Variants in MITF observed in about 807,000 individuals in gnomAD.
The protein encoded by MITF is melanocyte inducing transcription factor, also known as microphthalmia-associated transcription factor.
A neutral mutation model predicts 60.5 loss-of-function variants in MITF; 17 were observed. The observed-to-expected ratio is 0.28, with a 90% CI of 0.19 to 0.42. MITF has a LOEUF of 0.42. Ranked by LOEUF, MITF falls within the 10% of genes least tolerant of loss-of-function variation. The pLI is 1.00. For missense variants in MITF, 622 were observed against 683.5 expected (o/e 0.91, Z 1.00); for synonymous variants, 260 against 248.5 (o/e 1.05, Z -0.43).
intron 1 of MITF, among the ~76,000 whole-genome samples, chr3:69,830,815 G>C (rs1215923896): frequency 2.0e-5 from 3 of 152,132 alleles, no homozygotes; most frequent in African/African-American, 7.2e-5. Flanking sequence ...CATCCCATCG[G>C]TTATGGTTTC....
intron 1 of MITF, among the ~76,000 whole-genome samples, chr3:69,754,208 G>GTC (rs999834124): frequency 2.0e-5 from 3 of 151,314 alleles, no homozygotes; most frequent in Non-Finnish European, 4.4e-5. Context: ...ACCCCTGTTA[G>GTC]TCTCTCTCTC....
At chr3:69,821,400 C>T (rs776636085) in intron 1 of MITF, among the ~76,000 whole-genome samples, 28 of 152,192 alleles carry the variant, frequency 1.8e-4, no homozygotes, top group Admixed American at 5.2e-4. Context: ...AAGCTTGAGT[C>T]ATAAAGCCTG....
In MITF at chr3:69,965,042, A is replaced by G. The variant is rs1196796728; in HGVS notation, c.1375A>G (p.Asn459Asp). The change falls in exon 10 of 10, where the codon AAC becomes GAC. Residue 459 changes from asparagine to aspartate, a missense_variant. Transcript: ENST00000352241. ...DLTDGTITFN[N>D]NLGTGTEANQ... ...CACGGATGGCACCATCACCTTCAAC[A>G]ACAACCTCGGAACTGGGACTGAGGC... 13 of 1,614,088 alleles carry G rather than the reference A, an allele frequency of 8.1e-6. No individual in the cohort carries two copies. The highest frequency in any genetic ancestry group is 1.1e-5 in the Non-Finnish European group (13 of 1,180,018).
At chr3:69,864,743 G>A (rs902667174) in intron 1 of MITF, among the ~76,000 whole-genome samples, 5 of 139,056 alleles carry the variant, frequency 3.6e-5, no homozygotes, top group Admixed American at 1.4e-4. Context: ...TAGGTCTCAC[G>A]GGCACCATGT....
chr3:69,744,252 A>G (rs141488896), intron 1 of MITF, among the ~76,000 whole-genome samples: 221 of 152,342 alleles, frequency 1.5e-3, no homozygotes, highest in African/African-American at 5.1e-3. Flanking sequence ...TCCTGTCTTC[A>G]TATTAAAAAA....
chr3:69,935,297 T>C (rs2065807604), intron 2 of MITF, among the ~76,000 whole-genome samples: 1 of 152,238 alleles, frequency 6.6e-6, no homozygotes, highest in Non-Finnish European at 1.5e-5. Flanking sequence ...AAGACCTCAC[T>C]GACAGTGCCA....
At chr3:69,913,343 A>G (rs985293168) in intron 2 of MITF, among the ~76,000 whole-genome samples, 1 of 152,108 alleles carries the variant, frequency 6.6e-6, no homozygotes, top group Admixed American at 6.6e-5. Context: ...TGTTAGTAGT[A>G]TTACTGATGT....
At chr3:69,936,947 CTT>C (rs79472179) in intron 2 of MITF, 19,408 of 268,792 alleles carry the variant, frequency 0.072, no homozygotes, top group South Asian at 0.1. Flanking sequence ...TAGTAGGATT[CTT>C]TTTTTTTTTT....
intron 5 of MITF, among the ~76,000 whole-genome samples, chr3:69,946,277 G>C (rs1279598777): frequency 2.0e-5 from 3 of 152,176 alleles, no homozygotes; most frequent in Non-Finnish European, 4.4e-5. Context: ...CCGGATCTCT[G>C]ACTCCTAAGC....
intron 1 of MITF, among the ~76,000 whole-genome samples, chr3:69,868,822 C>T (rs2107236787): frequency 1.3e-5 from 2 of 150,912 alleles, no homozygotes; most frequent in South Asian, 4.2e-4. Flanking sequence ...TTGCTTGAAC[C>T]TGGGAGGTGG....
At chr3:69,900,457 C>T (rs75675106) in intron 2 of MITF, among the ~76,000 whole-genome samples, 208 of 152,226 alleles carry the variant, frequency 1.4e-3, no homozygotes, top group African/African-American at 4.0e-3. Context: ...CCTTCTCCTC[C>T]TTCTTGGCCC....
chr3:69,845,438 C>CTTTTTTTTTTTTT lies in MITF; in HGVS notation c.105-33693_105-33692insTTTTTTTTTTTTT, dbSNP rs202135701. Among the ~76,000 whole-genome samples, 12 of 133,678 alleles carry CTTTTTTTTTTTTT rather than the reference C, an allele frequency of 9.0e-5. 3 individuals carry two copies. Among genetic ancestry groups the CTTTTTTTTTTTTT allele is most frequent in the Non-Finnish European group, 8.1e-5 (5 of 61,382 alleles). The allele number at this position is 133,678 out of a possible 152,430, so 87.7% of individuals were successfully genotyped here. On this transcript the variant is annotated intron_variant, in intron 1 of 9. Coordinates refer to ENST00000352241, the MANE Select transcript of MITF (RefSeq NM_001354604.2). ...TCTTTTCTTTTCTTTTTTCTTTTTT[C>CTTTTTTTTTTTTT]TTTCTTTTTTTTTTTTTTGCTATTT...
At chr3:69,910,838 G>T (rs1186326592) in intron 2 of MITF, among the ~76,000 whole-genome samples, 1 of 151,980 alleles carries the variant, frequency 6.6e-6, no homozygotes, top group Non-Finnish European at 1.5e-5. Flanking sequence ...TAGGCAGAAG[G>T]GACTTGCCTT....
intron 1 of MITF, among the ~76,000 whole-genome samples, chr3:69,804,364 C>T (rs1386371661): frequency 2.0e-5 from 3 of 151,720 alleles, no homozygotes; most frequent in Non-Finnish European, 1.5e-5. Flanking sequence ...CTCCCTTCTC[C>T]ACCTTTTCCT....
intron 7 of MITF, among the ~76,000 whole-genome samples, chr3:69,955,168 G>T (rs1267065966): frequency 2.6e-5 from 4 of 152,120 alleles, no homozygotes. Context: ...TAGTACAGTA[G>T]CCATTCACCA....
rs754549950 is a variant in MITF at position 69,951,932 on chromosome 3, C to G, written c.955+46C>G. ...TTCATGACATTTGATATTAATGTTC[C>G]CCATATATCAAAAATGTTTCCAGAA... On this transcript the variant is annotated intron_variant, in intron 7 of 9. Coordinates refer to ENST00000352241, the MANE Select transcript of MITF (RefSeq NM_001354604.2). 6.6e-6 allele frequency: 9 copies of G among 1,372,548 alleles called. No individual in the cohort carries two copies. In the African/African-American group the frequency reaches 1.3e-4, roughly 20 times the overall value. The allele number at this position is 1,372,548 out of a possible 1,614,324, so 85.0% of individuals were successfully genotyped here. A position where few individuals can be genotyped will look rare whatever the true frequency, so the allele number is the denominator to read the frequency against.
intron 1 of MITF, among the ~76,000 whole-genome samples, chr3:69,856,305 A>C (rs930818110): frequency 2.0e-5 from 3 of 152,196 alleles, no homozygotes; most frequent in Non-Finnish European, 4.4e-5. Context: ...TTTTAAAGGA[A>C]ATGTTATCAT....
At chr3:69,906,135 A>G (rs1010643440) in intron 2 of MITF, among the ~76,000 whole-genome samples, 5 of 152,184 alleles carry the variant, frequency 3.3e-5, no homozygotes, top group Non-Finnish European at 7.4e-5. Flanking sequence ...TAATTTTTAT[A>G]TAAGTTATAA....
intron 6 of MITF, among the ~76,000 whole-genome samples, chr3:69,950,678 G>T (rs1483449817): frequency 1.3e-5 from 2 of 150,218 alleles, no homozygotes; most frequent in Admixed American, 6.6e-5. Context: ...ATGCTAAAAA[G>T]ATTTCTATTT....
Sources: gnomAD v4.1 joint callset for allele counts (sites outside exome capture counted in the v4.1 genomes callset) on GRCh38, gnomAD v4.1.1 for gene constraint, MANE v1.5 for transcripts, NCBI Gene and HGNC (gene_info 2026-07-23, HGNC 2026-07-21) for gene names.